Variants in ST8SIA5 observed in about 807,000 individuals in gnomAD.
ST8SIA5 encodes alpha-2,8-sialyltransferase 8E.
ST8SIA5 carries 24 observed loss-of-function variants against 40.2 expected under a neutral mutation model. The ratio of observed to expected loss-of-function variants is 0.60; its 90% CI spans 0.43 to 0.84. The LOEUF is 0.84. Among genes scored for constraint, ST8SIA5 ranks in the 40% least tolerant of loss-of-function variants. ST8SIA5 has a pLI of 0.00. For synonymous variants in ST8SIA5, 198 were observed against 201.8 expected (o/e 0.98, Z 0.16); for missense variants, 465 against 498.5 (o/e 0.93, Z 0.64).
intron 2 of ST8SIA5, among the ~76,000 whole-genome samples, chr18:46,695,050 T>C (rs1301617827): frequency 1.3e-5 from 2 of 151,556 alleles, no homozygotes; most frequent in Non-Finnish European, 2.9e-5. Context: ...TCCCAGCTAG[T>C]TGGGAGGCTG....
At chr18:46,753,008 A>G (rs2040208531) in intron 1 of ST8SIA5, among the ~76,000 whole-genome samples, 1 of 152,190 alleles carries the variant, frequency 6.6e-6, no homozygotes, top group East Asian at 1.9e-4. Context: ...ACAGCTCCCA[A>G]TGGCCCAATG....
intron 1 of ST8SIA5, among the ~76,000 whole-genome samples, chr18:46,714,952 A>T (rs553062527): frequency 6.6e-6 from 1 of 152,284 alleles, no homozygotes; most frequent in East Asian, 1.9e-4. Flanking sequence ...TGACTTAAGG[A>T]GGAGGAGTCT....
chr18:46,725,216 C>T (rs2039904708), intron 1 of ST8SIA5, among the ~76,000 whole-genome samples: 1 of 152,140 alleles, frequency 6.6e-6, no homozygotes, highest in Admixed American at 6.6e-5. Flanking sequence ...AAAGTCTTTA[C>T]CAAACAGCCT....
At chr18:46,683,702 C>G (rs1015144302) in intron 5 of ST8SIA5, among the ~76,000 whole-genome samples, 3 of 151,702 alleles carry the variant, frequency 2.0e-5, no homozygotes, top group Non-Finnish European at 4.4e-5. Flanking sequence ...TATCAGACCA[C>G]TATGAAAGGC....
chr18:46,732,293 G>A (rs2039992802), intron 1 of ST8SIA5, among the ~76,000 whole-genome samples: 2 of 152,234 alleles, frequency 1.3e-5, no homozygotes, highest in South Asian at 4.1e-4. Context: ...AGAGTGGGAA[G>A]TTAGCTCAAG....
At chr18:46,687,953 G>A (rs1282896123) in intron 4 of ST8SIA5, among the ~76,000 whole-genome samples, 3 of 152,192 alleles carry the variant, frequency 2.0e-5, no homozygotes, top group South Asian at 4.1e-4. Context: ...GGCTGAAAGC[G>A]CAGGTTCCAG....
chr18:46,713,612 G>A lies in ST8SIA5; in HGVS notation c.132-8948C>T, dbSNP rs549761850. On this transcript the variant is annotated intron_variant, in intron 1 of 6. Coordinates refer to ENST00000315087, the MANE Select transcript of ST8SIA5 (RefSeq NM_013305.6). ...GGCAGCAAATGACACTGAGAAGAAAGGTCTGCAGGTGGAAGAAAACCCAGA... is the reference window on the plus strand; with the variant it reads ...GGCAGCAAATGACACTGAGAAGAAAAGTCTGCAGGTGGAAGAAAACCCAGA... 5.9e-5 allele frequency among the ~76,000 whole-genome samples: 9 copies of A among 152,262 alleles called. No homozygotes were observed. The South Asian group carries it at 1.9e-3, about 32-fold the overall frequency.
chr18:46,728,528 T>G (rs1227902057), intron 1 of ST8SIA5, among the ~76,000 whole-genome samples: 1 of 152,240 alleles, frequency 6.6e-6, no homozygotes, highest in Non-Finnish European at 1.5e-5. Context: ...TTTGGCACTG[T>G]GGACTTAGGT....
At chr18:46,735,797 C>T (rs935367874) in intron 1 of ST8SIA5, among the ~76,000 whole-genome samples, 3 of 151,496 alleles carry the variant, frequency 2.0e-5, no homozygotes, top group African/African-American at 7.3e-5. Context: ...TTTTTTCGTA[C>T]AGACAGGGTA....
intron 1 of ST8SIA5, among the ~76,000 whole-genome samples, chr18:46,738,139 T>A (rs899713912): frequency 1.3e-5 from 2 of 151,658 alleles, no homozygotes; most frequent in Middle Eastern, 3.2e-3. Flanking sequence ...GGGTAATAGG[T>A]AGGGTTAAGA....
At chr18:46,745,098 C>T (rs1028770364) in intron 1 of ST8SIA5, among the ~76,000 whole-genome samples, 4 of 152,092 alleles carry the variant, frequency 2.6e-5, no homozygotes, top group African/African-American at 7.2e-5. Context: ...CACTAAATGC[C>T]CACAAGAGAA....
chr18:46,686,327 C>A (rs1458634134), intron 4 of ST8SIA5, 41 bp from the exon 5 acceptor site: 1 of 1,569,198 alleles, frequency 6.4e-7, no homozygotes, highest in East Asian at 2.2e-5. Flanking sequence ...CCAAGCCACC[C>A]CCTGCCTCGA....
intron 1 of ST8SIA5, among the ~76,000 whole-genome samples, chr18:46,724,079 C>A (rs186148318): frequency 6.6e-6 from 1 of 152,246 alleles, no homozygotes; most frequent in Non-Finnish European, 1.5e-5. Flanking sequence ...TGAGTCTCTG[C>A]ACCTCTCAAG....
intron 1 of ST8SIA5, among the ~76,000 whole-genome samples, chr18:46,732,008 C>T (rs2039989174): frequency 6.6e-6 from 1 of 152,150 alleles, no homozygotes; most frequent in Non-Finnish European, 1.5e-5. Context: ...TCTGTGCTGC[C>T]CAAGTTGTGG....
chr18:46,749,857 A>G (rs1191186044), intron 1 of ST8SIA5, among the ~76,000 whole-genome samples: 2 of 152,118 alleles, frequency 1.3e-5, no homozygotes, highest in Admixed American at 1.3e-4. Flanking sequence ...TAGGTCAGAG[A>G]GTGGAGCAGT....
intron 1 of ST8SIA5, among the ~76,000 whole-genome samples, chr18:46,734,536 G>A (rs1480555353): frequency 2.6e-5 from 4 of 152,230 alleles, no homozygotes; most frequent in East Asian, 3.9e-4. Flanking sequence ...AATTGACTCC[G>A]TGGAACACTG....
intron 1 of ST8SIA5, among the ~76,000 whole-genome samples, chr18:46,717,837 A>AT (rs558387396): frequency 0.017 from 2,527 of 146,746 alleles, 61 homozygotes; most frequent in African/African-American, 0.054. Context: ...CGCTTAATTC[A>AT]TTTTTTTTTT....
intron 2 of ST8SIA5, among the ~76,000 whole-genome samples, chr18:46,699,798 C>T (rs554725821): frequency 6.6e-6 from 1 of 152,176 alleles, no homozygotes; most frequent in African/African-American, 2.4e-5. Context: ...TCAGAGATGC[C>T]GAAGCCTGGG....
chr18:46,755,761 A>G (rs17779820), intron 1 of ST8SIA5, among the ~76,000 whole-genome samples: 15,999 of 149,328 alleles, frequency 0.11, 940 homozygotes, highest in South Asian at 0.16. Flanking sequence ...TAAGGATGAG[A>G]AAAAAAAAGC....
Sources: allele counts gnomAD v4.1 joint callset (sites outside exome capture counted in the v4.1 genomes callset), GRCh38; gene constraint gnomAD v4.1.1; transcripts MANE v1.5; gene names NCBI Gene and HGNC (gene_info 2026-07-23, HGNC 2026-07-21).